The following STYX variants were observed in gnomAD, a reference collection of about 807,000 sequenced individuals.
STYX encodes the protein serine/threonine/tyrosine interacting protein.
STYX carries 20 observed loss-of-function variants against 42.7 expected under a neutral mutation model. That is an observed-to-expected ratio of 0.47 (90% CI 0.33 to 0.68). The LOEUF (loss-of-function observed/expected upper bound fraction) is 0.68. Among genes scored for constraint, STYX ranks in the 30% least tolerant of loss-of-function variants. The probability of loss-of-function intolerance (pLI) is 0.02; values close to 1 mark genes in which losing one functional copy is unlikely to be tolerated. For missense variants in STYX, 226 were observed against 268.5 expected (o/e 0.84, Z 1.11); for synonymous variants, 78 against 81.9 (o/e 0.95, Z 0.26).
At chr14:52,755,053 A>C (rs1007781551) in intron 4 of STYX, among the ~76,000 whole-genome samples, 5 of 151,764 alleles carry the variant, frequency 3.3e-5, no homozygotes, top group African/African-American at 1.2e-4. Flanking sequence ...AAATCCTTGT[A>C]GGTTAAATAT....
At chr14:52,741,093 C>T (rs1044846863) in intron 1 of STYX, among the ~76,000 whole-genome samples, 1 of 151,848 alleles carries the variant, frequency 6.6e-6, no homozygotes, top group Non-Finnish European at 1.5e-5. Flanking sequence ...GACTTTTATC[C>T]CTGAGTACTA....
chr14:52,731,891 C>T (rs940121131), intron 1 of STYX, among the ~76,000 whole-genome samples: 9 of 151,278 alleles, frequency 5.9e-5, no homozygotes, highest in East Asian at 3.9e-4. Context: ...CTCCCATGCT[C>T]AAGCCATCCT....
At chr14:52,730,556 G>A (rs781773677) in intron 1 of STYX, 25 bp downstream of exon 1, 4 of 1,610,636 alleles carry the variant, frequency 2.5e-6, no homozygotes, top group South Asian at 1.1e-5. Context: ...TGGCTGCCAC[G>A]CACAGGCCTC....
chr14:52,754,370 C>G (rs935794483), intron 4 of STYX, among the ~76,000 whole-genome samples: 1 of 149,858 alleles, frequency 6.7e-6, no homozygotes, highest in African/African-American at 2.5e-5. Flanking sequence ...ACCACCGGAT[C>G]GGGCTAATTT....
chr14:52,768,269 GA>G (rs1486594415), intron 9 of STYX, among the ~76,000 whole-genome samples: 19 of 152,026 alleles, frequency 1.2e-4, no homozygotes, highest in African/African-American at 4.6e-4. Context: ...CCGAAGTATG[GA>G]AACAGAATGT....
intron 1 of STYX, among the ~76,000 whole-genome samples, chr14:52,735,901 A>G (rs1192593845): frequency 1.3e-5 from 2 of 152,138 alleles, no homozygotes; most frequent in African/African-American, 4.8e-5. Flanking sequence ...TTGTGAAAAG[A>G]TTGTTACTTT....
At chr14:52,758,396 A>T (rs1294636912) in intron 8 of STYX, among the ~76,000 whole-genome samples, 2 of 152,156 alleles carry the variant, frequency 1.3e-5, no homozygotes, top group Non-Finnish European at 2.9e-5. Flanking sequence ...CCCCAAGACA[A>T]AGCAAAAGCC....
intron 10 of STYX, among the ~76,000 whole-genome samples, chr14:52,770,470 C>T (rs1882470064): frequency 6.6e-6 from 1 of 151,980 alleles, no homozygotes; most frequent in Admixed American, 6.6e-5. Flanking sequence ...AGCTTTGATT[C>T]TATGTGGGAG....
At chr14:52,770,908 G>T in intron 10 of STYX, 125 bp from the exon 11 acceptor site, 1 of 565,680 alleles carries the variant, frequency 1.8e-6, no homozygotes, top group Non-Finnish European at 3.0e-6. Context: ...ACTAAATTTT[G>T]CTATATCAGT....
rs964113863 is a variant in STYX at position 52,774,339 on chromosome 14, T to C, written c.*3233T>C. 1 of 152,110 alleles carries C rather than the reference T, an allele frequency of 6.6e-6. No homozygotes were observed. Among genetic ancestry groups the C allele is most frequent in the East Asian group, 1.9e-4 (1 of 5,202 alleles). The allele number at this position is 152,110 out of a possible 1,614,324, so 9.4% of individuals were successfully genotyped here. A position where few individuals can be genotyped will look rare whatever the true frequency, so the allele number is the denominator to read the frequency against. On this transcript the variant is annotated 3_prime_UTR_variant, in exon 11 of 11. Coordinates refer to ENST00000354586, the MANE Select transcript of STYX (RefSeq NM_145251.4). ...AATCTTGAATTATAAAGTTGAGATA[T>C]ATATATATATGTATCAAGATCTCAA...
intron 1 of STYX, among the ~76,000 whole-genome samples, chr14:52,739,281 G>GAATAT (rs1881088506): frequency 6.6e-6 from 1 of 152,016 alleles, no homozygotes; most frequent in Non-Finnish European, 1.5e-5. Flanking sequence ...GTATTTCCCA[G>GAATAT]AATATATTTA....
intron 10 of STYX, among the ~76,000 whole-genome samples, chr14:52,769,927 C>T (rs1364568766): frequency 6.6e-6 from 1 of 152,062 alleles, no homozygotes; most frequent in Non-Finnish European, 1.5e-5. Context: ...GCCATATGCC[C>T]TTCTGATTTT....
intron 4 of STYX, among the ~76,000 whole-genome samples, chr14:52,755,246 C>T (rs1487883599): frequency 6.6e-6 from 1 of 152,030 alleles, no homozygotes; most frequent in African/African-American, 2.4e-5. Flanking sequence ...CCTCAGCCTC[C>T]TGAGTAGCTG....
intron 1 of STYX, among the ~76,000 whole-genome samples, chr14:52,736,608 G>C (rs761051161): frequency 6.6e-6 from 1 of 152,180 alleles, no homozygotes; most frequent in South Asian, 2.1e-4. Flanking sequence ...CAGGATCAAA[G>C]ATAGGAATTA....
At chr14:52,752,420 G>GC (rs1285989048) in intron 4 of STYX, among the ~76,000 whole-genome samples, 1 of 149,808 alleles carries the variant, frequency 6.7e-6, no homozygotes, top group Non-Finnish European at 1.5e-5. Context: ...AGCCAAGATT[G>GC]CCCCACTGCA....
chr14:52,749,201 C>T (rs1295053768), intron 3 of STYX, among the ~76,000 whole-genome samples: 2 of 152,146 alleles, frequency 1.3e-5, no homozygotes, highest in South Asian at 2.1e-4. Context: ...GTTCTTGCCT[C>T]TTCTTACAAG....
At chr14:52,753,464 G>T (rs1462270998) in intron 4 of STYX, among the ~76,000 whole-genome samples, 1 of 152,078 alleles carries the variant, frequency 6.6e-6, no homozygotes, top group Non-Finnish European at 1.5e-5. Context: ...GGATTTACAG[G>T]CGTAAGCCAC....
intron 1 of STYX, 151 bp downstream of exon 1, chr14:52,730,682 C>G (rs1880662297): frequency 3.9e-6 from 3 of 766,998 alleles, no homozygotes; most frequent in Non-Finnish European, 6.3e-6. Flanking sequence ...GCGGTCGGCT[C>G]CAATCCCCAC....
intron 10 of STYX, 147 bp from the exon 11 acceptor site, chr14:52,770,886 A>G (rs768043357): frequency 7.8e-6 from 4 of 513,164 alleles, no homozygotes; most frequent in Non-Finnish European, 1.4e-5. Context: ...GTAATTTATC[A>G]CAAAGGAATT....
Sources: allele counts gnomAD v4.1 joint callset (sites outside exome capture counted in the v4.1 genomes callset), GRCh38; gene constraint gnomAD v4.1.1; transcripts MANE v1.5; gene names NCBI Gene and HGNC (gene_info 2026-07-23, HGNC 2026-07-21).